LRCH3: variants seen among roughly 807,000 people sequenced by gnomAD.
The protein encoded by LRCH3 is DISP complex protein LRCH3.
LRCH3 carries 68 observed loss-of-function variants against 104.5 expected under a neutral mutation model. The observed-to-expected ratio is 0.65, with a 90% confidence interval of 0.54 to 0.80. The LOEUF (loss-of-function observed/expected upper bound fraction) is 0.80. Among genes scored for constraint, LRCH3 ranks in the 30% least tolerant of loss-of-function variants. The pLI, the probability that LRCH3 is intolerant of heterozygous loss-of-function variation, is 0.00. For synonymous variants in LRCH3, 344 were observed against 361.3 expected (o/e 0.95, Z 0.54); for missense variants, 951 against 953.9 (o/e 1.00, Z 0.04).
At chr3:197,844,348 T>G (rs1431521161) in intron 10 of LRCH3, among the ~76,000 whole-genome samples, 4 of 152,088 alleles carry the variant, frequency 2.6e-5, no homozygotes, top group African/African-American at 9.7e-5. Context: ...GGGGTGGTCA[T>G]GGGGATAGGA....
chr3:197,867,918 T>C (rs9837994), intron 17 of LRCH3, among the ~76,000 whole-genome samples: 1 of 151,094 alleles, frequency 6.6e-6, no homozygotes, highest in African/African-American at 2.4e-5. Context: ...CAGCTACTTG[T>C]GGGGCTGAGG....
chr3:197,888,357 T>C lies in LRCH3; in HGVS notation c.*4691T>C, dbSNP rs192289961. On this transcript the variant is annotated 3_prime_UTR_variant, in exon 21 of 21. Transcript: ENST00000425562. ...AGTATAAATATGTCAGTATCATGTA[T>C]GTTATTTTAAATTGCCTGTACGCCA... 27 of 152,356 alleles carry C rather than the reference T, an allele frequency of 1.8e-4. No homozygotes were observed. The highest frequency in any genetic ancestry group is 1.7e-3 in the Admixed American group (26 of 15,300). 9.4% of individuals were successfully genotyped at this position (152,356 alleles called of 1,614,324 possible).
intron 5 of LRCH3, among the ~76,000 whole-genome samples, chr3:197,827,882 T>G (rs902415925): frequency 6.6e-6 from 1 of 151,814 alleles, no homozygotes. Context: ...ATCGAGATCA[T>G]CCTGGCCAAC....
At chr3:197,878,780 C>T (rs1001626391) in intron 20 of LRCH3, among the ~76,000 whole-genome samples, 1 of 152,238 alleles carries the variant, frequency 6.6e-6, no homozygotes. Context: ...GAAGAAACTT[C>T]TACCTCCTCG....
chr3:197,798,090 G>A (rs1456696316), intron 1 of LRCH3, among the ~76,000 whole-genome samples: 1 of 151,734 alleles, frequency 6.6e-6, no homozygotes, highest in Admixed American at 6.6e-5. Context: ...CGCAAACCTC[G>A]TCTCTTAAAA....
At chr3:197,814,235 G>A (rs1733555994) in intron 1 of LRCH3, among the ~76,000 whole-genome samples, 1 of 152,192 alleles carries the variant, frequency 6.6e-6, no homozygotes, top group African/African-American at 2.4e-5. Context: ...AGCGGCAGGA[G>A]AAAATGAGGC....
intron 8 of LRCH3, among the ~76,000 whole-genome samples, chr3:197,833,919 T>C (rs1164986939): frequency 6.6e-6 from 1 of 152,268 alleles, no homozygotes; most frequent in South Asian, 2.1e-4. Context: ...AATGCATTTA[T>C]GTACCTGGTT....
rs1400552314 is a variant in LRCH3 at position 197,820,397 on chromosome 3, G to A, written c.607G>A (p.Val203Ile). 2.5e-6 allele frequency: 4 copies of A among 1,610,710 alleles called. No individual in the cohort carries two copies. Among genetic ancestry groups the A allele is most frequent in the African/African-American group, 2.7e-5 (2 of 75,004 alleles). ...GNLEALRDLN[V>I]RRNHLVHLPE... ...CCTGGAGGCCTTGAGAGACCTTAAT[G>A]TAAGAAGAAATCACCTAGTACATTT... is the stretch of plus-strand genomic sequence containing the variant. Residue 203 changes from valine (V) to isoleucine (I), a missense_variant, in exon 4 of 21, where the codon GTA (valine) becomes ATA (isoleucine). Coordinates refer to ENST00000425562, the MANE Select transcript of LRCH3 (RefSeq NM_001365715.1).
At chr3:197,830,744 G>T in intron 6 of LRCH3, 26 bp from the exon 7 acceptor site, 2 of 1,552,104 alleles carry the variant, frequency 1.3e-6, no homozygotes, top group African/African-American at 2.7e-5. Flanking sequence ...AACAAACTTT[G>T]CAGTAACAGA....
intron 1 of LRCH3, among the ~76,000 whole-genome samples, chr3:197,793,380 T>G (rs899076373): frequency 1.3e-5 from 2 of 152,216 alleles, no homozygotes; most frequent in Non-Finnish European, 2.9e-5. Flanking sequence ...TCCTTTTGTG[T>G]GTGTTCTGGT....
intron 4 of LRCH3, among the ~76,000 whole-genome samples, 187 bp from the exon 5 acceptor site, chr3:197,826,691 C>T (rs1447259013): frequency 1.3e-5 from 2 of 152,108 alleles, no homozygotes; most frequent in African/African-American, 4.8e-5. Flanking sequence ...TGTCTATAGG[C>T]AACTGGATCT....
chr3:197,833,992 A>G (rs1181905697), intron 8 of LRCH3, among the ~76,000 whole-genome samples: 1 of 152,234 alleles, frequency 6.6e-6, no homozygotes, highest in African/African-American at 2.4e-5. Flanking sequence ...AACTCTAATA[A>G]CTCAAAATTC....
At chr3:197,797,582 C>T (rs562184917) in intron 1 of LRCH3, among the ~76,000 whole-genome samples, 10 of 151,720 alleles carry the variant, frequency 6.6e-5, no homozygotes, top group African/African-American at 1.9e-4. Context: ...AAAACTAGGC[C>T]GGGCGCAGTG....
In LRCH3 at chr3:197,866,178, G is replaced by C; in HGVS notation, c.1832G>C (p.Ser611Thr). The change falls in exon 17 of 21, where the codon AGC becomes ACC. Residue 611 changes from serine (S) to threonine (T), a missense_variant. Physicochemically the swap from Ser to Thr is moderately conservative, Grantham distance 58 (BLOSUM62 1). Coordinates refer to ENST00000425562, the MANE Select transcript of LRCH3 (RefSeq NM_001365715.1). The part of the protein sequence containing the change: ...IQRNQPQRPE[S>T]FLFRAGVRAE... ...AGAAATCAGCCTCAGCGCCCTGAAA[G>C]CTTCCTTTTCCGAGCAGGTGTCAGG... The C allele has an allele frequency of 6.2e-7, 1 of 1,614,102 alleles. No homozygotes were observed. Among genetic ancestry groups the C allele is most frequent in the Non-Finnish European group, 8.5e-7 (1 of 1,179,988 alleles).
At chr3:197,853,085 A>G (rs554583076) in intron 13 of LRCH3, among the ~76,000 whole-genome samples, 2 of 152,348 alleles carry the variant, frequency 1.3e-5, no homozygotes, top group South Asian at 4.1e-4. Flanking sequence ...TTAAAAATCT[A>G]CACACCTCTT....
rs139480549 is a variant in LRCH3, at chr3:197,825,856, T to G, written c.641-1022T>G. On this transcript the variant is annotated intron_variant, in intron 4 of 20. Coordinates refer to ENST00000425562, the MANE Select transcript of LRCH3 (RefSeq NM_001365715.1). Reference sequence around the variant, plus strand: ...ATGGTAAAATAGTTCCAACCATTCTTATGAATTTTTAATTGCTACCATTAT... The same window carrying G: ...ATGGTAAAATAGTTCCAACCATTCTGATGAATTTTTAATTGCTACCATTAT... Among the ~76,000 whole-genome samples the G allele has an allele frequency of 3.7e-3, 562 of 152,320 alleles. 4 individuals carry two copies. The highest frequency in any genetic ancestry group is 0.013 in the African/African-American group (526 of 41,582).
intron 8 of LRCH3, among the ~76,000 whole-genome samples, chr3:197,833,574 A>G (rs894648693): frequency 1.3e-5 from 2 of 152,080 alleles, no homozygotes; most frequent in African/African-American, 2.4e-5. Flanking sequence ...CCAAATTGAT[A>G]TGTATTGTAA....
Position 197,858,894 on chromosome 3 carries a change from A to G in LRCH3, c.1705A>G (p.Thr569Ala), listed in dbSNP as rs528699258. Residue 569 changes from threonine (T) to alanine (A), a missense_variant, in exon 15 of 21, where the codon ACG becomes GCG. By Grantham distance (58) the Thr-to-Ala change is moderately conservative. Coordinates refer to ENST00000425562, the MANE Select transcript of LRCH3 (RefSeq NM_001365715.1). ...TACCCTGCCTCATTCTTCTGCCTTC[A>G]CGCCTCTTAAGGTATCTCTTGTTAT... ...AATLPHSSAF[T>A]PLKSDDRPNA... 5 of 1,613,476 alleles carry G rather than the reference A, an allele frequency of 3.1e-6. No homozygotes were observed. The East Asian group carries it at 8.9e-5, about 29-fold the overall frequency.
intron 12 of LRCH3, chr3:197,850,459 G>A (rs1739427447): frequency 6.3e-7 from 1 of 1,578,678 alleles, no homozygotes; most frequent in Non-Finnish European, 8.6e-7. Context: ...TTTTTCTTCT[G>A]GGCAACCTCC....
Sources: gnomAD v4.1 joint callset for allele counts (sites outside exome capture counted in the v4.1 genomes callset) on GRCh38, gnomAD v4.1.1 for gene constraint, MANE v1.5 for transcripts, NCBI Gene and HGNC (gene_info 2026-07-23, HGNC 2026-07-21) for gene names.